Variants in NEDD4L observed in about 807,000 individuals in gnomAD.
NEDD4L encodes the protein NEDD4 like E3 ubiquitin protein ligase.
NEDD4L carries 54 observed loss-of-function variants against 148.9 expected under a neutral mutation model. That is an observed-to-expected ratio of 0.36 (90% CI 0.29 to 0.45). The LOEUF is 0.45. Ranked by LOEUF, NEDD4L falls within the 20% of genes least tolerant of loss-of-function variation. The pLI, the probability that NEDD4L is intolerant of heterozygous loss-of-function variation, is 1.00. For synonymous variants in NEDD4L, 433 were observed against 440.7 expected (o/e 0.98, Z 0.22); for missense variants, 856 against 1,233.8 (o/e 0.69, Z 4.59).
In NEDD4L at chr18:58,167,169, C is replaced by T. The variant is rs146851537; in HGVS notation, c.122+1308C>T. On this transcript the variant is annotated intron_variant, in intron 2 of 30. Coordinates refer to ENST00000400345, the MANE Select transcript of NEDD4L (RefSeq NM_001144967.3). Reference sequence around the variant, plus strand: ...TCACAAGGAACCTTATGCACAGGGACACTGACATCAGCCTGTACTGCTGGT... The same window carrying T: ...TCACAAGGAACCTTATGCACAGGGATACTGACATCAGCCTGTACTGCTGGT... Among the ~76,000 whole-genome samples the T allele has an allele frequency of 3.5e-3, 540 of 152,336 alleles. 5 individuals are homozygous for T. The highest frequency in any genetic ancestry group is 0.012 in the African/African-American group (512 of 41,582).
chr18:58,309,891 G>A (rs1429564453), intron 5 of NEDD4L, among the ~76,000 whole-genome samples: 5 of 152,154 alleles, frequency 3.3e-5, no homozygotes, highest in Non-Finnish European at 5.9e-5. Flanking sequence ...CTCCCTCTGA[G>A]CCCACAAAGG....
intron 1 of NEDD4L, among the ~76,000 whole-genome samples, chr18:58,075,435 G>A (rs2083107552): frequency 6.6e-6 from 1 of 152,184 alleles, no homozygotes; most frequent in African/African-American, 2.4e-5. Context: ...ACAGGCGTGA[G>A]CCACCGCATC....
At chr18:58,371,343 G>A (rs1454201934) in intron 23 of NEDD4L, among the ~76,000 whole-genome samples, 1 of 151,090 alleles carries the variant, frequency 6.6e-6, no homozygotes, top group Non-Finnish European at 1.5e-5. Context: ...GTGAGCCACC[G>A]CACCCAGCAC....
intron 5 of NEDD4L, among the ~76,000 whole-genome samples, chr18:58,300,585 G>T (rs1244469320): frequency 6.6e-6 from 1 of 152,200 alleles, no homozygotes; most frequent in Non-Finnish European, 1.5e-5. Flanking sequence ...TCTTTTTGCT[G>T]TCTTTCTCAG....
At chr18:58,078,770 G>A (rs945617649) in intron 1 of NEDD4L, among the ~76,000 whole-genome samples, 1 of 152,196 alleles carries the variant, frequency 6.6e-6, no homozygotes, top group Non-Finnish European at 1.5e-5. Flanking sequence ...TGGCCCCTCC[G>A]AGGGAGGAGG....
At chr18:58,392,564 G>A (rs940923427) in intron 30 of NEDD4L, among the ~76,000 whole-genome samples, 2 of 151,732 alleles carry the variant, frequency 1.3e-5, no homozygotes, top group African/African-American at 4.9e-5. Flanking sequence ...TACCATTCAC[G>A]TGACTCTCCA....
chr18:58,140,688 G>A (rs1310565755), intron 1 of NEDD4L, among the ~76,000 whole-genome samples: 2 of 152,228 alleles, frequency 1.3e-5, no homozygotes, highest in South Asian at 2.1e-4. Context: ...TGTATTTGCA[G>A]TGTTTCTCTC....
intron 1 of NEDD4L, among the ~76,000 whole-genome samples, chr18:58,147,145 T>C (rs1001760655): frequency 2.6e-5 from 4 of 152,194 alleles, no homozygotes; most frequent in African/African-American, 4.8e-5. Context: ...CATTGGTAAA[T>C]TTTTATTTTG....
intron 5 of NEDD4L, among the ~76,000 whole-genome samples, chr18:58,302,927 C>T (rs2056664003): frequency 6.6e-6 from 1 of 152,252 alleles, no homozygotes; most frequent in African/African-American, 2.4e-5. Flanking sequence ...CTTTCCTCAT[C>T]TCTTCTACCT....
rs1376862508 is a variant in NEDD4L, at chr18:58,047,464, G to A, written c.48+2756G>A. On this transcript the variant is annotated intron_variant, in intron 1 of 30. Coordinates refer to ENST00000400345, the MANE Select transcript of NEDD4L (RefSeq NM_001144967.3). ...GGGGATGCCAAAGCACAGGGCTTAG[G>A]TGCTGTTCCTTGCGTCATCAGCAGA... The A allele has an allele frequency of 5.1e-6, 5 of 985,470 alleles. No homozygotes were observed. The African/African-American group carries it at 7.0e-5, about 14-fold the overall frequency. The allele number at this position is 985,470 out of a possible 1,614,324, so 61.0% of individuals were successfully genotyped here. A position where few individuals can be genotyped will look rare whatever the true frequency, so the allele number is the denominator to read the frequency against.
chr18:58,348,326 CTTTTT>C (rs771263533), intron 16 of NEDD4L, among the ~76,000 whole-genome samples: 23,100 of 87,556 alleles, frequency 0.26, 1,325 homozygotes, highest in Middle Eastern at 0.4. Flanking sequence ...TCTTTTTTTT[CTTTTT>C]TTTTTTTTTT....
intron 1 of NEDD4L, chr18:58,045,269 C>CT: frequency 2.5e-6 from 1 of 397,134 alleles, no homozygotes; most frequent in Non-Finnish European, 4.4e-6. Context: ...TTTGCAAAGT[C>CT]TACGGCCAGG....
intron 2 of NEDD4L, among the ~76,000 whole-genome samples, chr18:58,220,420 A>G (rs2043610919): frequency 6.6e-6 from 1 of 151,510 alleles, no homozygotes; most frequent in Non-Finnish European, 1.5e-5. Context: ...AAGACTGAGA[A>G]TGGTTGGCAC....
intron 2 of NEDD4L, among the ~76,000 whole-genome samples, chr18:58,207,400 T>C (rs2042084183): frequency 1.3e-5 from 2 of 152,118 alleles, no homozygotes. Flanking sequence ...CTTACAGTTC[T>C]GGAGCTGTAG....
chr18:58,215,004 G>A (rs971115488), intron 2 of NEDD4L, among the ~76,000 whole-genome samples: 1 of 151,908 alleles, frequency 6.6e-6, no homozygotes, highest in African/African-American at 2.4e-5. Context: ...TAGAGACAGG[G>A]TTTCACCATG....
intron 19 of NEDD4L, chr18:58,360,029 T>C (rs1019348859): frequency 6.6e-6 from 1 of 152,266 alleles, no homozygotes; most frequent in Non-Finnish European, 1.5e-5. Flanking sequence ...CTCCTGCATG[T>C]CTTCTGGCCT....
chr18:58,387,316 A>G, intron 26 of NEDD4L, 123 bp from the exon 27 acceptor site: 1 of 1,116,290 alleles, frequency 9.0e-7, no homozygotes. Flanking sequence ...ACTGTCACTG[A>G]CATAGGAATC....
chr18:58,091,411 C>G (rs2084062487), intron 1 of NEDD4L: 1 of 152,178 alleles, frequency 6.6e-6, no homozygotes, highest in South Asian at 2.1e-4. Context: ...CTCAGTTCCT[C>G]ATTAATAAAA....
chr18:58,069,358 T>A (rs1176122089), intron 1 of NEDD4L, among the ~76,000 whole-genome samples: 1 of 152,186 alleles, frequency 6.6e-6, no homozygotes, highest in Non-Finnish European at 1.5e-5. Context: ...ATTGAGGTTA[T>A]CTCACCAGGA....
Sources: gnomAD v4.1 joint callset for allele counts (sites outside exome capture counted in the v4.1 genomes callset) on GRCh38, gnomAD v4.1.1 for gene constraint, MANE v1.5 for transcripts, NCBI Gene and HGNC (gene_info 2026-07-23, HGNC 2026-07-21) for gene names.